TFEB: variants seen among roughly 807,000 people sequenced by gnomAD.
The protein encoded by TFEB is T-cell transcription factor EB.
TFEB carries 12 observed loss-of-function variants against 48.0 expected under a neutral mutation model. The observed-to-expected ratio is 0.25, with a 90% confidence interval of 0.16 to 0.40. The LOEUF is 0.40. Among genes scored for constraint, TFEB ranks in the 10% least tolerant of loss-of-function variants. The pLI is 1.00. For missense variants in TFEB, 509 were observed against 640.3 expected (o/e 0.79, Z 2.21); for synonymous variants, 244 against 261.4 (o/e 0.93, Z 0.64).
At position 41,724,848 on chromosome 6, in the gene TFEB, G is replaced by C. The variant is rs972212528; in HGVS notation, c.-23+10502C>G. Among the ~76,000 whole-genome samples, 1 of 152,168 alleles carries C rather than the reference G, an allele frequency of 6.6e-6. No individual in the cohort carries two copies. The highest frequency in any genetic ancestry group is 1.5e-5 in the Non-Finnish European group (1 of 68,028). On this transcript the variant is annotated intron_variant, in intron 1 of 8. Coordinates refer to ENST00000373033, the MANE Select transcript of TFEB (RefSeq NM_001271944.2). The surrounding 1 kb of genome is among the most constrained non-coding windows in gnomAD (Gnocchi z 4.4). Reference sequence around the variant, plus strand: ...CGCCTCACAGCCCCTGCAGCAGCACGAACCAGGACTGAGGTTCACAGCGGT... The same window carrying C: ...CGCCTCACAGCCCCTGCAGCAGCACCAACCAGGACTGAGGTTCACAGCGGT...
Position 41,724,333 on chromosome 6 carries a change from G to A in TFEB, c.-23+11017C>T, listed in dbSNP as rs1029420039. Among the ~76,000 whole-genome samples the A allele has an allele frequency of 3.9e-5, 6 of 152,178 alleles. No homozygotes were observed. Among genetic ancestry groups the A allele is most frequent in the South Asian group, 2.1e-4 (1 of 4,834 alleles). On this transcript the variant is annotated intron_variant, in intron 1 of 8. Coordinates refer to ENST00000373033, the MANE Select transcript of TFEB (RefSeq NM_001271944.2). This position sits in a 1 kb window ranked among gnomAD's most constrained non-coding sequence, Gnocchi z 4.4. The stretch of plus-strand genomic sequence containing the variant: ...GGTTAAGCTATTATCGGTCGTCTGC[G>A]TCTCAGGGTGGATGAGTTTACTGGG...
intron 1 of TFEB, among the ~76,000 whole-genome samples, chr6:41,708,948 T>C (rs942906988): frequency 2.0e-5 from 3 of 152,008 alleles, no homozygotes; most frequent in Non-Finnish European, 2.9e-5. Flanking sequence ...GCTGGGATGG[T>C]AGAGAGAAGA....
rs1383140986 is a variant in TFEB, at chr6:41,684,598, G to A, written c.*1C>T. On this transcript the variant is annotated 3_prime_UTR_variant, in exon 9 of 9. Coordinates refer to ENST00000373033, the MANE Select transcript of TFEB (RefSeq NM_001271944.2). Reference sequence around the variant, plus strand: ...GTTCCCTGGCACAGGGGCAGCCAGGGTCACAGCACATCGCCCTCCTCCATG... The same window carrying A: ...GTTCCCTGGCACAGGGGCAGCCAGGATCACAGCACATCGCCCTCCTCCATG... The A allele has an allele frequency of 6.4e-7, 1 of 1,567,664 alleles. No homozygotes were observed. The highest frequency in any genetic ancestry group is 8.6e-7 in the Non-Finnish European group (1 of 1,158,044).
chr6:41,704,303 C>T (rs34357137), intron 1 of TFEB, among the ~76,000 whole-genome samples: 10 of 152,102 alleles, frequency 6.6e-5, no homozygotes, highest in African/African-American at 2.4e-4. Flanking sequence ...GAATTCAAAT[C>T]TGGCTTTGCC....
chr6:41,707,090 C>T (rs1289921681), intron 1 of TFEB, among the ~76,000 whole-genome samples: 3 of 152,166 alleles, frequency 2.0e-5, no homozygotes, highest in Admixed American at 6.5e-5. Flanking sequence ...TGCTTTCCCC[C>T]ATAGAGTTGA....
chr6:41,695,718 G>A (rs1769542308), intron 1 of TFEB, among the ~76,000 whole-genome samples: 1 of 152,190 alleles, frequency 6.6e-6, no homozygotes, highest in Non-Finnish European at 1.5e-5. Context: ...TGGAGGGGGA[G>A]GGATAAAGAG....
Position 41,717,275 on chromosome 6 carries a change from G to T in TFEB, c.-23+18075C>A, listed in dbSNP as rs553457726. ...ACACTGAAAAGCAGACATCAACTGT[G>T]GCCGGGGGAGGGGATCAGAACTTTA... is the stretch of plus-strand genomic sequence containing the variant. On this transcript the variant is annotated intron_variant, in intron 1 of 8. Transcript: ENST00000373033. Among the ~76,000 whole-genome samples, 236 of 152,284 alleles carry T rather than the reference G, an allele frequency of 1.5e-3. 2 individuals are homozygous for T. The highest frequency in any genetic ancestry group is 3.0e-3 in the Admixed American group (46 of 15,298).
intron 1 of TFEB, among the ~76,000 whole-genome samples, chr6:41,708,089 G>A (rs1561863364): frequency 6.6e-6 from 1 of 152,268 alleles, no homozygotes. Context: ...GGGCGAGCCA[G>A]TGTCTGCCAC....
At chr6:41,696,417 G>C (rs905496594) in intron 1 of TFEB, among the ~76,000 whole-genome samples, 51 of 152,306 alleles carry the variant, frequency 3.3e-4, no homozygotes, top group African/African-American at 1.2e-3. Flanking sequence ...GGTGGGCCAG[G>C]CATGGTGGTT....
intron 1 of TFEB, among the ~76,000 whole-genome samples, chr6:41,708,912 A>G (rs1770357645): frequency 6.6e-6 from 1 of 152,200 alleles, no homozygotes; most frequent in South Asian, 2.1e-4. Context: ...ACTTGGCGGA[A>G]GGTTAAGACT....
At chr6:41,733,443 A>ACTTGCTT (rs1771533901) in intron 1 of TFEB, 2 of 227,868 alleles carry the variant, frequency 8.8e-6, no homozygotes, top group African/African-American at 4.7e-5. Flanking sequence ...TTGAGGACAA[A>ACTTGCTT]ATAACCCTGC....
At chr6:41,703,889 G>A (rs1318512142) in intron 1 of TFEB, among the ~76,000 whole-genome samples, 1 of 152,150 alleles carries the variant, frequency 6.6e-6, no homozygotes, top group Non-Finnish European at 1.5e-5. Context: ...TCACAGAGAG[G>A]CTGAAAACTT....
At chr6:41,712,540 C>T (rs987099829) in intron 1 of TFEB, among the ~76,000 whole-genome samples, 7 of 152,172 alleles carry the variant, frequency 4.6e-5, no homozygotes, top group African/African-American at 1.7e-4. Flanking sequence ...GCTCTTGTCT[C>T]TCATAGTTGA....
rs948507446 is a variant in TFEB, at chr6:41,723,578, G to A, written c.-23+11772C>T. On this transcript the variant is annotated intron_variant, in intron 1 of 8. Coordinates refer to ENST00000373033, the MANE Select transcript of TFEB (RefSeq NM_001271944.2). This position sits in a 1 kb window ranked among gnomAD's most constrained non-coding sequence, Gnocchi z 6.0. ...GGCTCAGTTTCCTCATTTCCCCGGC[G>A]GCTGCTGTTTCTCACCCAGCCCCCT... 12 of 1,246,956 alleles carry A rather than the reference G, an allele frequency of 9.6e-6. No individual in the cohort carries two copies. The highest frequency in any genetic ancestry group is 2.7e-5 in the Admixed American group (1 of 36,404). The allele number at this position is 1,246,956 out of a possible 1,614,324, so 77.2% of individuals were successfully genotyped here. A position where few individuals can be genotyped will look rare whatever the true frequency, so the allele number is the denominator to read the frequency against.
chr6:41,697,122 G>C (rs919605723), intron 1 of TFEB, among the ~76,000 whole-genome samples: 18 of 152,082 alleles, frequency 1.2e-4, no homozygotes, highest in African/African-American at 4.1e-4. Context: ...AATGAGGGCA[G>C]ACCAGCCTGG....
chr6:41,733,453 C>T (rs758701586), intron 1 of TFEB: 4 of 235,284 alleles, frequency 1.7e-5, no homozygotes, highest in Non-Finnish European at 2.8e-5. Flanking sequence ...AATAACCCTG[C>T]AGCTGTAACA....
At chr6:41,712,392 G>A (rs1013497666) in intron 1 of TFEB, among the ~76,000 whole-genome samples, 9 of 152,182 alleles carry the variant, frequency 5.9e-5, no homozygotes, top group East Asian at 1.9e-4. Context: ...ATTGGGTGAC[G>A]AGACCAGTAA....
At chr6:41,722,912 C>A (rs1771042200) in intron 1 of TFEB, among the ~76,000 whole-genome samples, 1 of 152,134 alleles carries the variant, frequency 6.6e-6, no homozygotes, top group Non-Finnish European at 1.5e-5. Flanking sequence ...AAGGTGGGCA[C>A]TATAACTGTC....
chr6:41,734,842 G>T lies in TFEB; in HGVS notation c.-23+508C>A. The T allele has an allele frequency of 1.0e-6, 1 of 963,014 alleles. No individual in the cohort carries two copies. Among genetic ancestry groups the T allele is most frequent in the Non-Finnish European group, 1.2e-6 (1 of 809,936 alleles). 59.7% of individuals were successfully genotyped at this position (963,014 alleles called of 1,614,324 possible). A position where few individuals can be genotyped will look rare whatever the true frequency, so the allele number is the denominator to read the frequency against. ...AGCCCCCGGGGCGTGGCGCCGCTCT[G>T]GCCCTCCCACTCCCCCCGCTGGCCT... On this transcript the variant is annotated intron_variant, in intron 1 of 8. Transcript: ENST00000373033. The surrounding 1 kb of genome is among the most constrained non-coding windows in gnomAD (Gnocchi z 4.0).
Sources: gnomAD v4.1 joint callset for allele counts (sites outside exome capture counted in the v4.1 genomes callset) on GRCh38, gnomAD v4.1.1 for gene constraint, Gnocchi (gnomAD v3.1) non-coding constraint, MANE v1.5 for transcripts, NCBI Gene and HGNC (gene_info 2026-07-23, HGNC 2026-07-21) for gene names.